SLC7A8: variants seen among roughly 807,000 people sequenced by gnomAD.
SLC7A8 encodes large neutral amino acids transporter small subunit 2.
SLC7A8 carries 30 observed loss-of-function variants against 51.2 expected under a neutral mutation model. That is an observed-to-expected ratio of 0.59 (90% CI 0.44 to 0.80). The LOEUF is 0.80. SLC7A8 is among the 30% of genes least tolerant of loss of function. The pLI is 0.00. For synonymous variants in SLC7A8, 257 were observed against 275.8 expected (o/e 0.93, Z 0.67); for missense variants, 612 against 674.4 (o/e 0.91, Z 1.03).
chr14:23,143,097 TC>T lies in SLC7A8; in HGVS notation c.615del (p.Ile206LeufsTer46). 1.2e-6 allele frequency: 2 copies of T among 1,614,158 alleles called. No individual in the cohort carries two copies. The highest frequency in any genetic ancestry group is 1.7e-6 in the Non-Finnish European group (2 of 1,180,032). On this transcript the variant is annotated frameshift_variant, in exon 4 of 11. Coordinates refer to ENST00000316902, the MANE Select transcript of SLC7A8 (RefSeq NM_012244.4). LOFTEE classifies it high-confidence loss of function. Reference protein sequence around the residue: ...LLALALIIIMGIVQICKGEYF... With the variant: ...LLALALIIIMXIVQICKGEYF... ...TACTCACCTTTGCATATCTGTACAA[TC>T]CCCATGATGATAATCAGGGCCAAGG...
chr14:23,173,475 T>C (rs1184514543), intron 1 of SLC7A8, among the ~76,000 whole-genome samples: 1 of 152,200 alleles, frequency 6.6e-6, no homozygotes, highest in Non-Finnish European at 1.5e-5. Flanking sequence ...TCAGTCCAAC[T>C]GAAATTTCAG....
rs766053049 is a variant in SLC7A8 at position 23,129,712 on chromosome 14, C to A, written c.1201G>T (p.Val401Phe). Reference sequence around the variant, plus strand: ...AGGACTATCTGTCCAGCAACCGTGACCCCATAGAAGAGGTAGTTGATGAAG... The same window carrying A: ...AGGACTATCTGTCCAGCAACCGTGAACCCATAGAAGAGGTAGTTGATGAAG... ...VGFINYLFYG[V>F]TVAGQIVLRW... The change falls in exon 9 of 11, where the codon GTC becomes TTC. Residue 401 changes from valine to phenylalanine, a missense_variant. Transcript: ENST00000316902. The A allele has an allele frequency of 9.3e-6, 15 of 1,614,070 alleles. No homozygotes were observed. The African/African-American group carries it at 9.3e-5, about 10-fold the overall frequency.
intron 1 of SLC7A8, among the ~76,000 whole-genome samples, chr14:23,173,486 A>T (rs1193252370): frequency 6.6e-6 from 1 of 152,210 alleles, no homozygotes; most frequent in Non-Finnish European, 1.5e-5. Flanking sequence ...GAAATTTCAG[A>T]ACCAAAATTA....
At chr14:23,178,759 A>T (rs1877033329) in intron 1 of SLC7A8, among the ~76,000 whole-genome samples, 1 of 151,584 alleles carries the variant, frequency 6.6e-6, no homozygotes, top group African/African-American at 2.4e-5. Flanking sequence ...AAAAAAAATT[A>T]AAAATAATTT....
chr14:23,141,850 G>A (rs1260137931), intron 4 of SLC7A8, among the ~76,000 whole-genome samples: 2 of 152,178 alleles, frequency 1.3e-5, no homozygotes, highest in Non-Finnish European at 2.9e-5. Context: ...GCTGCAGACT[G>A]TGGGCCCTTG....
At chr14:23,154,322 T>A in intron 3 of SLC7A8, 1 of 1,000,096 alleles carries the variant, frequency 1.0e-6, no homozygotes, top group Non-Finnish European at 1.2e-6. Context: ...ACAGACTCCC[T>A]CCCCTCCAGC....
chr14:23,179,599 G>A (rs1013511935), intron 1 of SLC7A8, among the ~76,000 whole-genome samples: 5 of 152,026 alleles, frequency 3.3e-5, no homozygotes, highest in African/African-American at 9.6e-5. Flanking sequence ...CTTGAGCCCA[G>A]GAGTTGGAGA....
intron 7 of SLC7A8, among the ~76,000 whole-genome samples, chr14:23,132,238 G>A (rs1245535121): frequency 2.0e-5 from 3 of 151,916 alleles, no homozygotes; most frequent in African/African-American, 7.3e-5. Flanking sequence ...TGCTGACCTC[G>A]TGATCCACTT....
rs1220345102 is a variant in SLC7A8 at position 23,165,328 on chromosome 14, G to GA, written c.464dup (p.Glu158ArgfsTer67). The stretch of plus-strand genomic sequence containing the variant: ...GGAGCCGAAGGCCAGACTCTGGGGG[G>GA]AAGCAGGTGGGGAAGAGCGGCTGCA... On this transcript the variant is annotated frameshift_variant, in exon 3 of 11. Coordinates refer to ENST00000316902, the MANE Select transcript of SLC7A8 (RefSeq NM_012244.4). LOFTEE classifies it high-confidence loss of function. The surrounding 1 kb of genome is among the most constrained non-coding windows in gnomAD (Gnocchi z 4.2). 1 of 1,607,424 alleles carries GA rather than the reference G, an allele frequency of 6.2e-7. No homozygotes were observed. Among genetic ancestry groups the GA allele is most frequent in the Non-Finnish European group, 8.5e-7 (1 of 1,177,338 alleles).
rs182168566 is a variant in SLC7A8 at position 23,172,538 on chromosome 14, G to A, written c.152-5998C>T. 7.0e-4 allele frequency among the ~76,000 whole-genome samples: 106 copies of A among 152,238 alleles called. 1 individual carries two copies. Among genetic ancestry groups the A allele is most frequent in the Admixed American group, 3.3e-3 (50 of 15,298 alleles). ...GGGGTGGTGGGGGGCTGAGTGTTGC[G>A]CCCTCAAATAAGCCCATGAAGGACC... is the stretch of plus-strand genomic sequence containing the variant. On this transcript the variant is annotated intron_variant, in intron 1 of 10. Coordinates refer to ENST00000316902, the MANE Select transcript of SLC7A8 (RefSeq NM_012244.4).
chr14:23,141,193 G>A (rs992106702), intron 4 of SLC7A8, among the ~76,000 whole-genome samples: 2 of 152,296 alleles, frequency 1.3e-5, no homozygotes, highest in Non-Finnish European at 2.9e-5. Flanking sequence ...GCTAAGGTGG[G>A]AGGATCACTT....
At chr14:23,149,437 C>T (rs1447361879) in intron 3 of SLC7A8, among the ~76,000 whole-genome samples, 1 of 152,158 alleles carries the variant, frequency 6.6e-6, no homozygotes, top group Non-Finnish European at 1.5e-5. Flanking sequence ...TCTTGCAAGG[C>T]GAGTGGAGTG....
At position 23,139,360 on chromosome 14, in the gene SLC7A8, G is replaced by A. The variant is rs2048720146; in HGVS notation, c.912+64C>T. On this transcript the variant is annotated intron_variant, in intron 6 of 10. Coordinates refer to ENST00000316902, the MANE Select transcript of SLC7A8 (RefSeq NM_012244.4). ...CCATGGATCAGGGAAAAGTGAGTGG[G>A]GCTACAGCAGGCAAGTCTATGTCTG... 26 of 1,609,018 alleles carry A rather than the reference G, an allele frequency of 1.6e-5. No homozygotes were observed. The South Asian group carries it at 2.5e-4, about 16-fold the overall frequency.
In SLC7A8 at chr14:23,166,220, C is replaced by T. The variant is rs147720811; in HGVS notation, c.356+116G>A. On this transcript the variant is annotated intron_variant, in intron 2 of 10. Transcript: ENST00000316902. ...GAAGAGACATTCCATTCACTAGCACCCCGTGGCACACTGGAGACTGGAAAC... is the reference window on the plus strand; with the variant it reads ...GAAGAGACATTCCATTCACTAGCACTCCGTGGCACACTGGAGACTGGAAAC... 9.3e-4 allele frequency: 992 copies of T among 1,061,664 alleles called. 2 individuals carry two copies. The highest frequency in any genetic ancestry group is 4.0e-3 in the Middle Eastern group (17 of 4,270). 65.8% of individuals were successfully genotyped at this position (1,061,664 alleles called of 1,614,324 possible). A position where few individuals can be genotyped will look rare whatever the true frequency, so the allele number is the denominator to read the frequency against.
intron 7 of SLC7A8, among the ~76,000 whole-genome samples, chr14:23,133,749 G>A (rs186570909): frequency 5.3e-5 from 8 of 152,142 alleles, no homozygotes; most frequent in East Asian, 1.9e-4. Context: ...GCCTGAACCC[G>A]GAAGGTGGAG....
rs1594812803 is a variant in SLC7A8, at chr14:23,126,889, G to GGGAGGTCCT, written c.*279_*287dup. On this transcript the variant is annotated 3_prime_UTR_variant, in exon 11 of 11. Coordinates refer to ENST00000316902, the MANE Select transcript of SLC7A8 (RefSeq NM_012244.4). The stretch of plus-strand genomic sequence containing the variant: ...GAGGCAGCTGAGGGTGTGGCCCGGA[G>GGGAGGTCCT]GGAGGTCCTGCAGGGCACCTTGGCA... The GGGAGGTCCT allele has an allele frequency of 2.2e-6, 1 of 463,284 alleles. No homozygotes were observed. The highest frequency in any genetic ancestry group is 3.8e-5 in the East Asian group (1 of 26,308). The allele number at this position is 463,284 out of a possible 1,614,324, so 28.7% of individuals were successfully genotyped here.
chr14:23,169,778 G>A lies in SLC7A8; in HGVS notation c.152-3238C>T, dbSNP rs139392297. ...CTATTTTTCAAGTGGGAAAAATGAC[G>A]GTATTATTATCCCTATTTTATGGAT... On this transcript the variant is annotated intron_variant, in intron 1 of 10. Coordinates refer to ENST00000316902, the MANE Select transcript of SLC7A8 (RefSeq NM_012244.4). Among the ~76,000 whole-genome samples the A allele has an allele frequency of 9.7e-4, 147 of 152,274 alleles. 1 individual carries two copies. In the East Asian group the frequency reaches 0.022, roughly 23 times the overall value.
At chr14:23,142,957 TC>T in intron 4 of SLC7A8, 121 bp downstream of exon 4, 1 of 1,266,452 alleles carries the variant, frequency 7.9e-7, no homozygotes, top group African/African-American at 1.5e-5. Context: ...AGAAGAGAAG[TC>T]ACTCAAGGCT....
At chr14:23,147,908 T>G (rs1294572670) in intron 3 of SLC7A8, among the ~76,000 whole-genome samples, 2 of 152,156 alleles carry the variant, frequency 1.3e-5, no homozygotes, top group African/African-American at 4.8e-5. Context: ...AGAGATGGGC[T>G]CAATGCTTTC....
Sources: allele counts gnomAD v4.1 joint callset (sites outside exome capture counted in the v4.1 genomes callset), GRCh38; gene constraint gnomAD v4.1.1; non-coding constraint Gnocchi (gnomAD v3.1); transcripts MANE v1.5; gene names NCBI Gene and HGNC (gene_info 2026-07-23, HGNC 2026-07-21).